The following SPATA17 variants were observed in gnomAD, a reference collection of about 807,000 sequenced individuals.
The protein encoded by SPATA17 is spermatogenesis associated 17.
In SPATA17, 53 loss-of-function variants were observed where a neutral mutation model predicts 62.2. The observed-to-expected ratio is 0.85, with a 90% confidence interval of 0.68 to 1.07. SPATA17 has a LOEUF of 1.07. SPATA17 is among the 50% of genes least tolerant of loss of function. The pLI is 0.00. For synonymous variants in SPATA17, 146 were observed against 146.8 expected (o/e 0.99, Z 0.04); for missense variants, 466 against 425.5 (o/e 1.10, Z -0.84).
intron 9 of SPATA17, among the ~76,000 whole-genome samples, chr1:217,847,750 C>A (rs1480050977): frequency 6.6e-6 from 1 of 152,068 alleles, no homozygotes; most frequent in Non-Finnish European, 1.5e-5. Context: ...GTATAAATGA[C>A]ATTAAAAATA....
At chr1:217,723,061 C>T (rs768001269) in intron 5 of SPATA17, among the ~76,000 whole-genome samples, 6 of 152,184 alleles carry the variant, frequency 3.9e-5, no homozygotes, top group African/African-American at 7.2e-5. Context: ...AGACCCAGGA[C>T]GTATTAGCAT....
At chr1:217,753,557 A>T (rs1179981405) in intron 6 of SPATA17, among the ~76,000 whole-genome samples, 1 of 151,938 alleles carries the variant, frequency 6.6e-6, no homozygotes, top group African/African-American at 2.4e-5. Context: ...TTAACTTATT[A>T]GGTATGGGTA....
intron 3 of SPATA17, among the ~76,000 whole-genome samples, chr1:217,660,097 A>T (rs1670533732): frequency 6.6e-6 from 1 of 152,184 alleles, no homozygotes; most frequent in Admixed American, 6.5e-5. Flanking sequence ...TTTTTGGCAA[A>T]TGCTGTTCCC....
At position 217,816,955 on chromosome 1, in the gene SPATA17, T is replaced by C. The variant is rs143767110; in HGVS notation, c.1005+15105T>C. 9.0e-3 allele frequency among the ~76,000 whole-genome samples: 1,372 copies of C among 152,222 alleles called. 64 individuals carry two copies. The highest frequency in any genetic ancestry group is 0.076 in the Admixed American group (1,155 of 15,254). On this transcript the variant is annotated intron_variant, in intron 9 of 10. Transcript: ENST00000366933. Reference sequence around the variant, plus strand: ...ATAAATCTATTCTATGTATCTAGTTTTCTCATAACTCAGCTATTCTTATCT... The same window carrying C: ...ATAAATCTATTCTATGTATCTAGTTCTCTCATAACTCAGCTATTCTTATCT...
At chr1:217,818,275 A>G (rs1674771905) in intron 9 of SPATA17, among the ~76,000 whole-genome samples, 1 of 152,000 alleles carries the variant, frequency 6.6e-6, no homozygotes, top group African/African-American at 2.4e-5. Context: ...ATCACAATTT[A>G]CGGGAATGCT....
chr1:217,846,342 G>T (rs528646293), intron 9 of SPATA17, among the ~76,000 whole-genome samples: 5 of 152,060 alleles, frequency 3.3e-5, no homozygotes, highest in African/African-American at 1.2e-4. Flanking sequence ...TTTCAGTCTA[G>T]CATATTAATA....
At chr1:217,674,185 A>G (rs1670895598) in intron 4 of SPATA17, among the ~76,000 whole-genome samples, 1 of 152,150 alleles carries the variant, frequency 6.6e-6, no homozygotes, top group Non-Finnish European at 1.5e-5. Context: ...TACTGTAGTC[A>G]AACTGACTTC....
In SPATA17 at chr1:217,867,269, T is replaced by C. The variant is rs1676034264; in HGVS notation, c.*250T>C. Reference sequence around the variant, plus strand: ...TGTCTGTCACAATCACAGCCCCTGGTGACCAACAGTGCCATAAATGGTTCC... The same window carrying C: ...TGTCTGTCACAATCACAGCCCCTGGCGACCAACAGTGCCATAAATGGTTCC... On this transcript the variant is annotated 3_prime_UTR_variant, in exon 11 of 11. Transcript: ENST00000366933. 6.6e-6 allele frequency: 1 copy of C among 152,194 alleles called. No homozygotes were observed. Among genetic ancestry groups the C allele is most frequent in the African/African-American group, 2.4e-5 (1 of 41,450 alleles). The allele number at this position is 152,194 out of a possible 1,614,324, so 9.4% of individuals were successfully genotyped here. A position where few individuals can be genotyped will look rare whatever the true frequency, so the allele number is the denominator to read the frequency against.
At chr1:217,726,279 C>T (rs1409254241) in intron 5 of SPATA17, among the ~76,000 whole-genome samples, 1 of 152,192 alleles carries the variant, frequency 6.6e-6, no homozygotes, top group African/African-American at 2.4e-5. Flanking sequence ...GTGTGAAGTT[C>T]TACTGCTCAT....
chr1:217,851,583 T>C (rs570066215), intron 9 of SPATA17, among the ~76,000 whole-genome samples: 1 of 152,302 alleles, frequency 6.6e-6, no homozygotes, highest in African/African-American at 2.4e-5. Flanking sequence ...TTGCATAAAT[T>C]AAACTGCAAT....
intron 9 of SPATA17, among the ~76,000 whole-genome samples, chr1:217,829,125 A>G (rs1675070295): frequency 6.6e-6 from 1 of 152,196 alleles, no homozygotes. Context: ...ACCACATTGT[A>G]AAGGTATCTG....
At chr1:217,830,638 C>T (rs543272446) in intron 9 of SPATA17, among the ~76,000 whole-genome samples, 1 of 152,110 alleles carries the variant, frequency 6.6e-6, no homozygotes, top group South Asian at 2.1e-4. Context: ...TTTAGTTACA[C>T]ATTCATATTT....
At chr1:217,730,867 G>T (rs966121513) in intron 5 of SPATA17, among the ~76,000 whole-genome samples, 1 of 152,120 alleles carries the variant, frequency 6.6e-6, no homozygotes, top group African/African-American at 2.4e-5. Flanking sequence ...CTCAGATGCA[G>T]ATGCTTGATA....
chr1:217,641,633 A>G (rs1173103985), intron 1 of SPATA17, among the ~76,000 whole-genome samples: 2 of 152,146 alleles, frequency 1.3e-5, no homozygotes, highest in South Asian at 2.1e-4. Context: ...ACATACACAT[A>G]TATATTTAAG....
chr1:217,756,662 G>C (rs1460874104), intron 6 of SPATA17, among the ~76,000 whole-genome samples: 1 of 152,140 alleles, frequency 6.6e-6, no homozygotes, highest in Non-Finnish European at 1.5e-5. Flanking sequence ...TTTCTTCAGA[G>C]ATCAGGAGGT....
chr1:217,846,369 G>A (rs981678141), intron 9 of SPATA17, among the ~76,000 whole-genome samples: 10 of 151,806 alleles, frequency 6.6e-5, no homozygotes, highest in Non-Finnish European at 1.0e-4. Context: ...TGATAAAGTA[G>A]AGTTTCAATG....
At chr1:217,728,537 C>A (rs754798339) in intron 5 of SPATA17, among the ~76,000 whole-genome samples, 12 of 151,874 alleles carry the variant, frequency 7.9e-5, no homozygotes, top group Non-Finnish European at 1.6e-4. Flanking sequence ...TTTATGTTTT[C>A]TTTGATAAAA....
intron 6 of SPATA17, among the ~76,000 whole-genome samples, chr1:217,772,115 A>AT (rs201860741): frequency 3.3e-5 from 5 of 150,296 alleles, no homozygotes; most frequent in Admixed American, 2.0e-4. Flanking sequence ...AAAATATAAC[A>AT]TTTATTTTTT....
In SPATA17 at chr1:217,760,098, G is replaced by A. The variant is rs887810228; in HGVS notation, c.520-14236G>A. On this transcript the variant is annotated intron_variant, in intron 6 of 10. Coordinates refer to ENST00000366933, the MANE Select transcript of SPATA17 (RefSeq NM_138796.4). Reference sequence around the variant, plus strand: ...AGAGCTTTTGCTCATTTTACAGATTGGTTTTTCGATCAAAATTTGTATTGA... The same window carrying A: ...AGAGCTTTTGCTCATTTTACAGATTAGTTTTTCGATCAAAATTTGTATTGA... Among the ~76,000 whole-genome samples, 9 of 152,114 alleles carry A rather than the reference G, an allele frequency of 5.9e-5. 1 individual carries two copies. The South Asian group carries it at 1.2e-3, about 21-fold the overall frequency.
Sources: gnomAD v4.1 joint callset for allele counts (sites outside exome capture counted in the v4.1 genomes callset) on GRCh38, gnomAD v4.1.1 for gene constraint, MANE v1.5 for transcripts, NCBI Gene and HGNC (gene_info 2026-07-23, HGNC 2026-07-21) for gene names.